Variants in TMEM176A observed in about 807,000 individuals in gnomAD.
The protein encoded by TMEM176A is transmembrane protein 176A.
In TMEM176A, 20 loss-of-function variants were observed where a neutral mutation model predicts 27.9. The ratio of observed to expected loss-of-function variants is 0.72; its 90% CI spans 0.50 to 1.04. TMEM176A has a LOEUF of 1.04. TMEM176A is among the 50% of genes least tolerant of loss of function. TMEM176A has a pLI of 0.00. For missense variants in TMEM176A, 252 were observed against 289.1 expected, an observed-to-expected ratio of 0.87 and a Z score of 0.93; for synonymous variants, 125 against 118.0, an observed-to-expected ratio of 1.06 and a Z score of -0.38.
intron 2 of TMEM176A, chr7:150,801,926 C>T: frequency 4.7e-6 from 3 of 643,122 alleles, no homozygotes; most frequent in Non-Finnish European, 7.9e-6. Context: ...AGCCACTGAC[C>T]ATGCAGAGTC....
At chr7:150,801,748 C>G (rs2075079) in intron 2 of TMEM176A, 24 bp downstream of exon 2, 1,000,214 of 1,477,984 alleles carry the variant, frequency 0.68, 339,955 homozygotes, top group East Asian at 0.82. Flanking sequence ...CCTGCCTCGT[C>G]GGGCGGCGGG....
chr7:150,801,613 G>A lies in TMEM176A; in HGVS notation c.63G>A (p.Val21=), dbSNP rs766783220. ...PEAPQHTHID[V]HIHQESALAK... ...CCCCACAGCACACCCACATCGATGT[G>A]CACATCCACCAGGAGTCTGCCCTGG... Residue 21 remains valine (V), a synonymous_variant, in exon 2 of 7, where the codon GTG becomes GTA. Coordinates refer to ENST00000004103, the MANE Select transcript of TMEM176A (RefSeq NM_018487.3). 1.9e-6 allele frequency: 3 copies of A among 1,613,634 alleles called. No individual in the cohort carries two copies. In the East Asian group the frequency reaches 6.7e-5, roughly 36 times the overall value.
chr7:150,804,260 G>C, intron 5 of TMEM176A, 102 bp from the exon 6 acceptor site: 1 of 921,858 alleles, frequency 1.1e-6, no homozygotes, highest in Non-Finnish European at 1.7e-6. Flanking sequence ...CGAACTTGGA[G>C]ATAAAGGGGT....
intron 2 of TMEM176A, 152 bp downstream of exon 2, chr7:150,801,876 G>T (rs1798806285): frequency 2.4e-6 from 2 of 849,864 alleles, no homozygotes; most frequent in Non-Finnish European, 3.5e-6. Context: ...CTCAGTAAGA[G>T]CCTGGGGAGG....
intron 6 of TMEM176A, 110 bp from the exon 7 acceptor site, chr7:150,804,717 C>T: frequency 8.5e-7 from 1 of 1,174,390 alleles, no homozygotes; most frequent in Non-Finnish European, 1.3e-6. Context: ...GCCTTTGGAT[C>T]AGGTACCATG....
chr7:150,801,739 C>CTCG lies in TMEM176A; in HGVS notation c.174+16_174+17insCGT, dbSNP rs1563048515. On this transcript the variant is annotated intron_variant, in intron 2 of 6. Transcript: ENST00000004103. ...TGGCCTCGTGGGTGAGTGTGACGGC[C>CTCG]TGCCTCGTCGGGCGGCGGGAGGAAC... The CTCG allele has an allele frequency of 1.9e-5, 28 of 1,496,116 alleles. No homozygotes were observed. Among genetic ancestry groups the CTCG allele is most frequent in the Admixed American group, 2.7e-5 (1 of 37,304 alleles). 92.7% of individuals were successfully genotyped at this position (1,496,116 alleles called of 1,614,324 possible). A position where few individuals can be genotyped will look rare whatever the true frequency, so the allele number is the denominator to read the frequency against.
Position 150,803,471 on chromosome 7 carries a change from G to T in TMEM176A, c.342+15G>T. On this transcript the variant is annotated intron_variant, in intron 4 of 6. Coordinates refer to ENST00000004103, the MANE Select transcript of TMEM176A (RefSeq NM_018487.3). ...GTACATACTGGGTAAGTTCAGGGAA[G>T]GGCATGGGAGGGGACCAGGTTCAGG... 6.3e-7 allele frequency: 1 copy of T among 1,585,212 alleles called. No homozygotes were observed. The highest frequency in any genetic ancestry group is 1.2e-5 in the South Asian group (1 of 85,102).
chr7:150,803,966 A>C, intron 5 of TMEM176A, 134 bp downstream of exon 5: 1 of 769,114 alleles, frequency 1.3e-6, no homozygotes. Context: ...GTCACCAAAG[A>C]CAAAGCATCA....
chr7:150,803,227 A>T, intron 3 of TMEM176A, 173 bp from the exon 4 acceptor site: 1 of 1,349,086 alleles, frequency 7.4e-7, no homozygotes, highest in Non-Finnish European at 9.5e-7. Flanking sequence ...CAGCCTCAGG[A>T]GTTGGATCCA....
In TMEM176A at chr7:150,804,382, G is replaced by A. The variant is rs1798877569; in HGVS notation, c.576G>A (p.Gln192=). 2 of 1,614,060 alleles carry A rather than the reference G, an allele frequency of 1.2e-6. No homozygotes were observed. Among genetic ancestry groups the A allele is most frequent in the Admixed American group, 1.7e-5 (1 of 60,000 alleles). The part of the protein sequence containing the change: ...DMLKALFRTL[Q]AMLLGVWILL... Reference sequence around the variant, plus strand: ...CCCAGGCCTTGTTCAGAACCCTTCAGGCCATGCTCTTGGGTGTCTGGATTC... The same window carrying A: ...CCCAGGCCTTGTTCAGAACCCTTCAAGCCATGCTCTTGGGTGTCTGGATTC... Residue 192 remains glutamine (Q), a synonymous_variant, in exon 6 of 7, where the codon CAG becomes CAA. Coordinates refer to ENST00000004103, the MANE Select transcript of TMEM176A (RefSeq NM_018487.3).
chr7:150,802,076 TTTCTC>T lies in TMEM176A; in HGVS notation c.175-114_175-110del, dbSNP rs28364765. ...TCCTTCTCCTCCTCTTTCTTCTCCT[TTTCTC>T]TTCTCTTCTCTTCTCTTCTCTTCTT... On this transcript the variant is annotated intron_variant, in intron 2 of 6. Transcript: ENST00000004103. 3.6e-3 allele frequency: 2,102 copies of T among 579,104 alleles called. 29 individuals carry two copies. In the East Asian group the frequency reaches 0.037, roughly 10 times the overall value. 35.9% of individuals were successfully genotyped at this position (579,104 alleles called of 1,614,324 possible).
At chr7:150,801,076 C>A in intron 1 of TMEM176A, 2 of 828,474 alleles carry the variant, frequency 2.4e-6, no homozygotes, top group Non-Finnish European at 2.9e-6. Flanking sequence ...AGCGGGAGGT[C>A]GGCGGTGGCG....
chr7:150,801,746 G>A, intron 2 of TMEM176A, 22 bp downstream of exon 2: 1 of 1,481,818 alleles, frequency 6.7e-7, no homozygotes, highest in Non-Finnish European at 8.9e-7. Flanking sequence ...GGCCTGCCTC[G>A]TCGGGCGGCG....
At chr7:150,802,944 C>T (rs714884) in intron 3 of TMEM176A, 461,542 of 988,510 alleles carry the variant, frequency 0.47, 109,218 homozygotes, top group Middle Eastern at 0.55. Context: ...TCCACTGGGA[C>T]ATACTAGATT....
At position 150,804,878 on chromosome 7, in the gene TMEM176A, T is replaced by C; in HGVS notation, c.*10T>C. On this transcript the variant is annotated 3_prime_UTR_variant, in exon 7 of 7. Coordinates refer to ENST00000004103, the MANE Select transcript of TMEM176A (RefSeq NM_018487.3). Reference sequence around the variant, plus strand: ...AGTGAGTGGAATCTAGCCATGCCTCTCCTGATTATTAGTGCCTGGTGCTTC... The same window carrying C: ...AGTGAGTGGAATCTAGCCATGCCTCCCCTGATTATTAGTGCCTGGTGCTTC... 6.2e-7 allele frequency: 1 copy of C among 1,614,122 alleles called. No homozygotes were observed. The highest frequency in any genetic ancestry group is 8.5e-7 in the Non-Finnish European group (1 of 1,179,972).
chr7:150,801,749 G>C lies in TMEM176A; in HGVS notation c.174+25G>C. ...GGTGAGTGTGACGGCCTGCCTCGTCGGGCGGCGGGAGGAACTCCCCACCTC... is the reference window on the plus strand; with the variant it reads ...GGTGAGTGTGACGGCCTGCCTCGTCCGGCGGCGGGAGGAACTCCCCACCTC... On this transcript the variant is annotated intron_variant, in intron 2 of 6. Transcript: ENST00000004103. 2.0e-6 allele frequency: 3 copies of C among 1,472,484 alleles called. No individual in the cohort carries two copies. In the Admixed American group the frequency reaches 8.3e-5, roughly 41 times the overall value. The allele number at this position is 1,472,484 out of a possible 1,614,324, so 91.2% of individuals were successfully genotyped here. A position where few individuals can be genotyped will look rare whatever the true frequency, so the allele number is the denominator to read the frequency against.
intron 4 of TMEM176A, 49 bp downstream of exon 4, chr7:150,803,505 C>A: frequency 6.4e-7 from 1 of 1,572,722 alleles, no homozygotes; most frequent in South Asian, 1.2e-5. Context: ...GGCTGGAGGT[C>A]ACCCCAATCT....
intron 5 of TMEM176A, 87 bp from the exon 6 acceptor site, chr7:150,804,275 A>T: frequency 9.0e-7 from 1 of 1,105,588 alleles, no homozygotes; most frequent in Non-Finnish European, 1.4e-6. Context: ...AGGGGTAGAG[A>T]TTTTCCCAGG....
rs200612183 is a variant in TMEM176A, at chr7:150,803,606, T to C, written c.343-14T>C. 3 of 1,612,776 alleles carry C rather than the reference T, an allele frequency of 1.9e-6. No individual in the cohort carries two copies. Among genetic ancestry groups the C allele is most frequent in the Non-Finnish European group, 2.5e-6 (3 of 1,179,374 alleles). ...TGAAACACAAAGATTTCTCTCTGCC[T>C]CCTCCCTCCCCAGGCCCTGCTGAGG... On this transcript the variant is annotated splice_polypyrimidine_tract_variant and intron_variant, in intron 4 of 6. Coordinates refer to ENST00000004103, the MANE Select transcript of TMEM176A (RefSeq NM_018487.3).
Sources: gnomAD v4.1 joint callset for allele counts on GRCh38, gnomAD v4.1.1 for gene constraint, MANE v1.5 for transcripts, NCBI Gene and HGNC (gene_info 2026-07-23, HGNC 2026-07-21) for gene names.